Variants in ANKRD60 observed in about 807,000 individuals in gnomAD.
ANKRD60 encodes ankyrin repeat domain-containing protein 60.
In ANKRD60, 24 loss-of-function variants were observed where a neutral mutation model predicts 21.3. The ratio of observed to expected loss-of-function variants is 1.13; its 90% CI spans 0.82 to 1.59. The LOEUF is 1.59. Among genes scored for constraint, ANKRD60 ranks in the 40% most tolerant of loss-of-function variants. The pLI is 0.00. For missense variants in ANKRD60, 490 were observed against 466.7 expected, an observed-to-expected ratio of 1.05 and a Z score of -0.46; for synonymous variants, 182 against 199.4, an observed-to-expected ratio of 0.91 and a Z score of 0.74.
intron 1 of ANKRD60, among the ~76,000 whole-genome samples, chr20:58,227,112 C>T (rs1375927424): frequency 1.3e-5 from 2 of 152,140 alleles, no homozygotes; most frequent in African/African-American, 4.8e-5. Context: ...CTTGTGTGGA[C>T]ATGGTTGTGG....
chr20:58,218,549 C>G, exon 4 of ANKRD60: 1 of 1,551,748 alleles, frequency 6.4e-7, no homozygotes, highest in East Asian at 2.4e-5. Flanking sequence ...TGACCCTCTG[C>G]AAAGCATTCT....
chr20:58,228,114 T>C lies in ANKRD60; in HGVS notation c.430+110A>G, dbSNP rs922002385. 7 of 1,167,910 alleles carry C rather than the reference T, an allele frequency of 6.0e-6. No individual in the cohort carries two copies. In the African/African-American group the frequency reaches 1.1e-4, roughly 18 times the overall value. The allele number at this position is 1,167,910 out of a possible 1,614,324, so 72.3% of individuals were successfully genotyped here. On this transcript the variant is annotated intron_variant, in intron 1 of 3. Coordinates refer to ENST00000457363, the Ensembl canonical transcript of ANKRD60. This position sits in a 1 kb window ranked among gnomAD's most constrained non-coding sequence, Gnocchi z 5.3. ...GGGTGGTTGGGTTTCAGGGGTTTGC[T>C]TTGACATCTGGGGTTTCTCACGTAA... is the stretch of plus-strand genomic sequence containing the variant.
At chr20:58,226,413 T>C (rs1037969085) in intron 1 of ANKRD60, among the ~76,000 whole-genome samples, 3 of 152,108 alleles carry the variant, frequency 2.0e-5, no homozygotes, top group Non-Finnish European at 2.9e-5. Flanking sequence ...GGGGTCTTCA[T>C]GGTGATAAAA....
exon 4 of ANKRD60, chr20:58,218,694 T>C (rs1402925805): frequency 1.3e-6 from 2 of 1,551,726 alleles, no homozygotes; most frequent in Non-Finnish European, 1.7e-6. Flanking sequence ...ATCTCTGTCG[T>C]GGATGGAGGC....
rs759838812 is a variant in ANKRD60 at position 58,218,820 on chromosome 20, C to T, written c.728-15G>A. The T allele has an allele frequency of 5.1e-5, 77 of 1,518,822 alleles. No homozygotes were observed. The highest frequency in any genetic ancestry group is 8.3e-5 in the African/African-American group (6 of 72,564). The allele number at this position is 1,518,822 out of a possible 1,614,324, so 94.1% of individuals were successfully genotyped here. On this transcript the variant is annotated splice_polypyrimidine_tract_variant and intron_variant, in intron 3 of 3. Transcript: ENST00000457363. ...GCAGCTGGCTCCTGTAAAATAAGAA[C>T]ATTGGCCAGAAGGAAGACATGCGGA...
chr20:58,217,313 TA>T (rs1485678339), downstream of ANKRD60, among the ~76,000 whole-genome samples: 1 of 151,888 alleles, frequency 6.6e-6, no homozygotes, highest in East Asian at 1.9e-4. Context: ...CCTGTAATCT[TA>T]GCTACTCAAG....
At chr20:58,224,609 T>G (rs1439656666) in intron 1 of ANKRD60, among the ~76,000 whole-genome samples, 1 of 152,234 alleles carries the variant, frequency 6.6e-6, no homozygotes, top group Admixed American at 6.5e-5. Context: ...ATGGTAGATG[T>G]CAAGAGGGAA....
intron 3 of ANKRD60, among the ~76,000 whole-genome samples, chr20:58,220,280 T>C (rs1323207603): frequency 3.9e-5 from 6 of 152,130 alleles, no homozygotes; most frequent in Admixed American, 1.3e-4. Flanking sequence ...CTGTTCTCCA[T>C]TGTTCTTGAG....
chr20:58,218,113 T>G (rs1984169358), downstream of ANKRD60, among the ~76,000 whole-genome samples: 1 of 152,188 alleles, frequency 6.6e-6, no homozygotes, highest in African/African-American at 2.4e-5. Context: ...GGCACTTGTT[T>G]TATACAATAA....
chr20:58,226,939 T>A (rs1444667042), intron 1 of ANKRD60, among the ~76,000 whole-genome samples: 1 of 152,032 alleles, frequency 6.6e-6, no homozygotes, highest in East Asian at 1.9e-4. Context: ...GGGTCCAGAA[T>A]TGGGCAATTG....
intron 3 of ANKRD60, among the ~76,000 whole-genome samples, chr20:58,220,673 G>C (rs1217508712): frequency 3.3e-5 from 5 of 150,116 alleles, no homozygotes; most frequent in African/African-American, 1.2e-4. Flanking sequence ...ACTATTTTGG[G>C]GTTTTTTCTA....
chr20:58,216,397 A>G (rs1214616781), downstream of ANKRD60, among the ~76,000 whole-genome samples: 1 of 152,220 alleles, frequency 6.6e-6, no homozygotes, highest in Admixed American at 6.5e-5. Flanking sequence ...TCTCCAAACA[A>G]CGAAGGCAGC....
At chr20:58,219,540 G>A (rs73187187) in intron 3 of ANKRD60, among the ~76,000 whole-genome samples, 436 of 152,262 alleles carry the variant, frequency 2.9e-3, no homozygotes, top group Non-Finnish European at 5.3e-3. Flanking sequence ...ATTTCACTTC[G>A]ATTAAATTCC....
At position 58,223,837 on chromosome 20, in the gene ANKRD60, C is replaced by T. The variant is rs140225796; in HGVS notation, c.431-655G>A. On this transcript the variant is annotated intron_variant, in intron 1 of 3. Transcript: ENST00000457363. ...CATGCCTCCAGGCCCAGCACAGTGG[C>T]TCACACCTGTCATCTCAGCACTTTG... Among the ~76,000 whole-genome samples the T allele has an allele frequency of 2.8e-3, 423 of 152,314 alleles. 4 individuals are homozygous for T. The highest frequency in any genetic ancestry group is 9.9e-3 in the African/African-American group (412 of 41,576).
At chr20:58,221,901 C>T (rs762047743) in intron 2 of ANKRD60, among the ~76,000 whole-genome samples, 19 of 152,106 alleles carry the variant, frequency 1.2e-4, no homozygotes, top group African/African-American at 3.6e-4. Context: ...CTGGCTTTCC[C>T]GTCTATTTGT....
At chr20:58,218,905 G>C (rs531123071) in intron 3 of ANKRD60, 100 bp from the exon 4 acceptor site, 2 of 1,121,228 alleles carry the variant, frequency 1.8e-6, no homozygotes, top group African/African-American at 1.6e-5. Flanking sequence ...AGGTCCTGCT[G>C]CCTGGCCCAG....
At chr20:58,221,214 G>A in intron 3 of ANKRD60, 124 bp downstream of exon 3, 1 of 1,092,266 alleles carries the variant, frequency 9.2e-7, no homozygotes, top group Non-Finnish European at 1.3e-6. Flanking sequence ...ACCCTGACTG[G>A]TGGCTGACAA....
chr20:58,223,041 C>T lies in ANKRD60; in HGVS notation c.561+11G>A, dbSNP rs79647580. ...AACGTATAATATCCATTTAAAGAAGCTTGAAAACACCTTGCTGGGATCCCC... is the reference window on the plus strand; with the variant it reads ...AACGTATAATATCCATTTAAAGAAGTTTGAAAACACCTTGCTGGGATCCCC... On this transcript the variant is annotated intron_variant, in intron 2 of 3. Transcript: ENST00000457363. 1.9e-6 allele frequency: 3 copies of T among 1,542,644 alleles called. No individual in the cohort carries two copies. Among genetic ancestry groups the T allele is most frequent in the South Asian group, 1.2e-5 (1 of 82,782 alleles).
downstream of ANKRD60, among the ~76,000 whole-genome samples, chr20:58,216,577 T>A (rs1984140714): frequency 6.6e-6 from 1 of 152,234 alleles, no homozygotes; most frequent in Non-Finnish European, 1.5e-5. Context: ...AAGAACAAGA[T>A]CTCAGTTTTG....
Sources: gnomAD v4.1 joint callset for allele counts (sites outside exome capture counted in the v4.1 genomes callset) on GRCh38, gnomAD v4.1.1 for gene constraint, Gnocchi (gnomAD v3.1) non-coding constraint, MANE v1.5 for transcripts, NCBI Gene and HGNC (gene_info 2026-07-23, HGNC 2026-07-21) for gene names.